PRSS41: variants seen among roughly 807,000 people sequenced by gnomAD.
The protein encoded by PRSS41 is serine protease 41.
A neutral mutation model predicts 28.8 loss-of-function variants in PRSS41; 37 were observed. The ratio of observed to expected loss-of-function variants is 1.29; its 90% CI spans 0.99 to 1.69. The LOEUF (loss-of-function observed/expected upper bound fraction) is 1.69, where lower values mean the gene tolerates loss of function less well. Among genes scored for constraint, PRSS41 ranks in the 40% most tolerant of loss-of-function variants. The pLI, the probability that PRSS41 is intolerant of heterozygous loss-of-function variation, is 0.00. For missense variants in PRSS41, 431 were observed against 400.7 expected (o/e 1.08, Z -0.65); for synonymous variants, 195 against 163.1 (o/e 1.20, Z -1.49).
exon 2 of PRSS41, chr16:2,798,656 T>C: frequency 6.8e-7 from 1 of 1,480,436 alleles, no homozygotes; most frequent in Non-Finnish European, 8.9e-7. Flanking sequence ...GGAGGAGCTG[T>C]TGTCAGGTAG....
chr16:2,804,987 T>G (rs1427206245), exon 6 of PRSS41: 2 of 1,584,080 alleles, frequency 1.3e-6, no homozygotes, highest in South Asian at 2.3e-5. Context: ...AGCTGGGGAA[T>G]GGACTGCGGT....
exon 6 of PRSS41, chr16:2,805,259 C>T (rs535944231): frequency 8.4e-5 from 59 of 701,544 alleles, no homozygotes; most frequent in Middle Eastern, 4.0e-4. Context: ...GATCAGATTC[C>T]GGCCCCTTTT....
At chr16:2,799,502 C>T in exon 4 of PRSS41, 2 of 1,552,052 alleles carry the variant, frequency 1.3e-6, no homozygotes, top group Non-Finnish European at 1.7e-6. Context: ...TCGAGTCTTC[C>T]ACCTTCAACT....
intron 1 of PRSS41, 28 bp downstream of exon 1, chr16:2,798,576 C>T (rs989722249): frequency 2.6e-5 from 39 of 1,526,120 alleles, no homozygotes; most frequent in Non-Finnish European, 3.3e-5. Context: ...CAGGCGGGAC[C>T]GGGGGCAGCG....
exon 1 of PRSS41, chr16:2,798,494 C>A: frequency 6.6e-7 from 1 of 1,517,958 alleles, no homozygotes; most frequent in Non-Finnish European, 8.8e-7. Context: ...CATGGGCGCG[C>A]GCGGGGCGCT....
In PRSS41 at chr16:2,804,593, C is replaced by G. The variant is rs11864061; in HGVS notation, c.699+47C>G. 0.027 allele frequency: 41,332 copies of G among 1,514,440 alleles called. 5,350 individuals are homozygous for G. In the African/African-American group the frequency reaches 0.35, roughly 13 times the overall value. 93.8% of individuals were successfully genotyped at this position (1,514,440 alleles called of 1,614,324 possible). The stretch of plus-strand genomic sequence containing the variant: ...GGGAATCCCACCCTCTCCAGCTCTA[C>G]ACCTGAGAGCAGCTACCATTTCTCC... On this transcript the variant is annotated intron_variant, in intron 5 of 5. Coordinates refer to ENST00000399677, the Ensembl canonical transcript of PRSS41.
At position 2,799,131 on chromosome 16, in the gene PRSS41, C is replaced by A; in HGVS notation, c.257+7C>A. On this transcript the variant is annotated splice_region_variant and intron_variant, in intron 3 of 5. Coordinates refer to ENST00000399677, the Ensembl canonical transcript of PRSS41. The stretch of plus-strand genomic sequence containing the variant: ...CTGCGCACTGCTTCCAAAAGTGAGT[C>A]TGGGGGGCGGCCGGGGCCTCAGACT... The A allele has an allele frequency of 6.6e-7, 1 of 1,514,320 alleles. No homozygotes were observed. Among genetic ancestry groups the A allele is most frequent in the Non-Finnish European group, 8.8e-7 (1 of 1,134,506 alleles). 93.8% of individuals were successfully genotyped at this position (1,514,320 alleles called of 1,614,324 possible).
chr16:2,799,654 GCAGCC>G, intron 4 of PRSS41, 85 bp downstream of exon 4: 1 of 1,400,174 alleles, frequency 7.1e-7, no homozygotes, highest in Non-Finnish European at 9.7e-7. Flanking sequence ...CACAAGCACA[GCAGCC>G]CCCTCCTTGG....
intron 4 of PRSS41, among the ~76,000 whole-genome samples, chr16:2,804,177 C>T (rs2069005712): frequency 6.6e-6 from 1 of 152,234 alleles, no homozygotes; most frequent in Non-Finnish European, 1.5e-5. Flanking sequence ...TCAGGAAGCA[C>T]TGCAACAGCC....
intron 4 of PRSS41, among the ~76,000 whole-genome samples, chr16:2,801,854 G>A (rs1408230330): frequency 1.3e-5 from 2 of 152,206 alleles, no homozygotes; most frequent in Admixed American, 6.5e-5. Flanking sequence ...TGAGCTGTTG[G>A]GCACACCTCC....
intron 4 of PRSS41, among the ~76,000 whole-genome samples, chr16:2,802,543 T>G (rs1042046830): frequency 8.4e-4 from 128 of 152,012 alleles, no homozygotes; most frequent in Non-Finnish European, 1.2e-3. Flanking sequence ...CTGGGAGGTG[T>G]AGGTTGTAGC....
At chr16:2,798,861 G>C (rs2068965493) in intron 2 of PRSS41, 98 bp from the exon 3 acceptor site, 1 of 1,353,014 alleles carries the variant, frequency 7.4e-7, no homozygotes, top group East Asian at 2.8e-5. Flanking sequence ...TCCCCGGGGA[G>C]CCCCCCGCTG....
chr16:2,802,505 C>T (rs906004767), intron 4 of PRSS41, among the ~76,000 whole-genome samples: 7 of 152,188 alleles, frequency 4.6e-5, no homozygotes, highest in East Asian at 1.9e-4. Context: ...GCTGCAATCT[C>T]GGCACTTTGG....
chr16:2,801,817 G>A (rs1296145639), intron 4 of PRSS41, among the ~76,000 whole-genome samples: 1 of 152,114 alleles, frequency 6.6e-6, no homozygotes, highest in Admixed American at 6.5e-5. Flanking sequence ...CCACAAAACC[G>A]CCATTGTCAT....
chr16:2,798,538 C>A, exon 1 of PRSS41: 2 of 1,531,846 alleles, frequency 1.3e-6, no homozygotes, highest in Non-Finnish European at 8.8e-7. Flanking sequence ...GGGCTGGACT[C>A]GGGAAGCCGG....
chr16:2,800,966 G>T (rs1026086645), intron 4 of PRSS41, among the ~76,000 whole-genome samples: 3 of 151,828 alleles, frequency 2.0e-5, no homozygotes, highest in African/African-American at 7.3e-5. Context: ...GATTTTTAGG[G>T]GTCTAGATTC....
intron 4 of PRSS41, among the ~76,000 whole-genome samples, chr16:2,801,117 G>C (rs2068982974): frequency 6.6e-6 from 1 of 152,162 alleles, no homozygotes; most frequent in Non-Finnish European, 1.5e-5. Flanking sequence ...GGGATTACAG[G>C]TGTGAGCCAC....
intron 4 of PRSS41, among the ~76,000 whole-genome samples, chr16:2,803,379 C>CT (rs1567268262): frequency 1.3e-5 from 2 of 151,844 alleles, no homozygotes; most frequent in Non-Finnish European, 2.9e-5. Flanking sequence ...ACATCTAAAC[C>CT]TTATAATAAC....
intron 2 of PRSS41, 51 bp from the exon 3 acceptor site, chr16:2,798,908 G>GGGCCCCCCCCCCC: frequency 1.4e-6 from 2 of 1,415,402 alleles, no homozygotes; most frequent in Non-Finnish European, 9.4e-7. Flanking sequence ...GGGCGGGCCT[G>GGGCCCCCCCCCCC]CCCACCCCAC....
Sources: gnomAD v4.1 joint callset for allele counts (sites outside exome capture counted in the v4.1 genomes callset) on GRCh38, gnomAD v4.1.1 for gene constraint, MANE v1.5 for transcripts, NCBI Gene and HGNC (gene_info 2026-07-23, HGNC 2026-07-21) for gene names.